TIAM1: variants seen among roughly 807,000 people sequenced by gnomAD.
The protein encoded by TIAM1 is TIAM Rac1 associated GEF 1, also known as rho guanine nucleotide exchange factor TIAM1.
In TIAM1, 65 loss-of-function variants were observed where a neutral mutation model predicts 163.5. The observed-to-expected ratio is 0.40, with a 90% CI of 0.33 to 0.49. The LOEUF is 0.49. Among genes scored for constraint, TIAM1 ranks in the 20% least tolerant of loss-of-function variants. The probability of loss-of-function intolerance (pLI) is 0.77; values close to 1 mark genes in which losing one functional copy is unlikely to be tolerated. For synonymous variants in TIAM1, 833 were observed against 810.1 expected (o/e 1.03, Z -0.48); for missense variants, 1,789 against 2,044.7 (o/e 0.87, Z 2.41).
rs755727372 is a variant in TIAM1 at position 31,187,003 on chromosome 21, T to G, written c.2660A>C (p.Lys887Thr). ...SVKETGLASKKGLKAGDEILE... is the reference protein window; with the variant it reads ...SVKETGLASKTGLKAGDEILE... ...CCAGCCCTCCTTCACTGACTTACCT[T>G]TCTTGGAAGCTAAACCGGTTTCCTT... Residue 887 changes from lysine to threonine, a missense_variant and splice_region_variant, in exon 14 of 28, where the codon AAA (lysine) becomes ACA (threonine). Lys to Thr is a moderately conservative substitution (Grantham distance 78, BLOSUM62 -1). Coordinates refer to ENST00000541036, the MANE Select transcript of TIAM1 (RefSeq NM_001353694.2). 6.2e-7 allele frequency: 1 copy of G among 1,614,014 alleles called. No homozygotes were observed. The highest frequency in any genetic ancestry group is 1.1e-5 in the South Asian group (1 of 91,080).
At chr21:31,450,285 A>G (rs1369815918) in intron 2 of TIAM1, among the ~76,000 whole-genome samples, 1 of 151,898 alleles carries the variant, frequency 6.6e-6, no homozygotes, top group African/African-American at 2.4e-5. Flanking sequence ...CCTCTCTCCT[A>G]CTCCAAGGAG....
At chr21:31,477,625 C>T (rs1187629602) in intron 1 of TIAM1, among the ~76,000 whole-genome samples, 1 of 152,034 alleles carries the variant, frequency 6.6e-6, no homozygotes, top group Admixed American at 6.6e-5. Context: ...TAGGTGCACG[C>T]CACCACGCCC....
At chr21:31,555,632 A>T (rs1460027794) in intron 1 of TIAM1, among the ~76,000 whole-genome samples, 1 of 152,086 alleles carries the variant, frequency 6.6e-6, no homozygotes, top group Non-Finnish European at 1.5e-5. Flanking sequence ...AAGCAGACAG[A>T]AGCCCCCTCT....
intron 3 of TIAM1, among the ~76,000 whole-genome samples, chr21:31,270,359 T>C (rs997065754): frequency 6.6e-6 from 1 of 152,082 alleles, no homozygotes; most frequent in East Asian, 1.9e-4. Context: ...ATGCAAAAAT[T>C]GGGATTGACA....
At chr21:31,409,769 AGGCCTCCCTCCCTGGT>A (rs1474387909) in intron 2 of TIAM1, among the ~76,000 whole-genome samples, 3 of 152,154 alleles carry the variant, frequency 2.0e-5, no homozygotes, top group African/African-American at 7.2e-5. Flanking sequence ...GCTCTCCCAA[AGGCCTCCCTCCCTGGT>A]GGGGGGCAGG....
intron 15 of TIAM1, among the ~76,000 whole-genome samples, chr21:31,172,977 T>C (rs577671609): frequency 6.6e-6 from 1 of 152,318 alleles, no homozygotes; most frequent in South Asian, 2.1e-4. Flanking sequence ...ATAATATTTT[T>C]GTGACTGCAA....
At chr21:31,201,389 A>G (rs1018304161) in intron 12 of TIAM1, among the ~76,000 whole-genome samples, 1 of 152,212 alleles carries the variant, frequency 6.6e-6, no homozygotes, top group African/African-American at 2.4e-5. Flanking sequence ...TATTTTGATA[A>G]TCTTCTATTG....
In TIAM1 at chr21:31,527,771, A is replaced by G. The variant is rs143744542; in HGVS notation, c.-422+31156T>C. ...CCACCAGTCCCAACCCAATGCTTAG[A>G]ATCTCCTCAGTGTGTCCCAGTCTCC... On this transcript the variant is annotated intron_variant, in intron 1 of 28. Transcript: ENST00000286827. 1.1e-3 allele frequency among the ~76,000 whole-genome samples: 175 copies of G among 152,212 alleles called. 2 individuals carry two copies. Among genetic ancestry groups the G allele is most frequent in the African/African-American group, 4.0e-3 (165 of 41,530 alleles).
At chr21:31,157,359 C>G (rs2083672593) in intron 16 of TIAM1, among the ~76,000 whole-genome samples, 1 of 152,200 alleles carries the variant, frequency 6.6e-6, no homozygotes, top group African/African-American at 2.4e-5. Flanking sequence ...CACCTCCTAC[C>G]ATCATGCAGT....
chr21:31,210,611 AAGG>A (rs2086710315), intron 10 of TIAM1, among the ~76,000 whole-genome samples: 1 of 73,338 alleles, frequency 1.4e-5, no homozygotes, highest in African/African-American at 5.2e-5. Context: ...AGAAGGAAGG[AAGG>A]GAGAAAGAAA....
At chr21:31,407,052 G>A (rs933083770) in intron 2 of TIAM1, among the ~76,000 whole-genome samples, 3 of 152,182 alleles carry the variant, frequency 2.0e-5, no homozygotes, top group African/African-American at 7.2e-5. Flanking sequence ...TCCCGGGAAA[G>A]TGACAGCTCT....
In TIAM1 at chr21:31,188,208, C is replaced by T. The variant is rs2085390229; in HGVS notation, c.2576-1121G>A. Among the ~76,000 whole-genome samples, 3 of 152,130 alleles carry T rather than the reference C, an allele frequency of 2.0e-5. No individual in the cohort carries two copies. The South Asian group carries it at 6.2e-4, about 32-fold the overall frequency. ...TCACATAGGCAAAAAGGCTAATTGC[C>T]ATCGCCCTCTCAAGTACCGTAACAC... On this transcript the variant is annotated intron_variant, in intron 13 of 27. Transcript: ENST00000541036.
intron 19 of TIAM1, among the ~76,000 whole-genome samples, chr21:31,149,922 A>T (rs760596228): frequency 3.3e-5 from 5 of 152,214 alleles, no homozygotes; most frequent in Admixed American, 6.5e-5. Context: ...GGTGAAAGAT[A>T]TATTATTGTG....
Position 31,245,575 on chromosome 21 carries a change from G to C in TIAM1, c.1497C>G (p.Asn499Lys), listed in dbSNP as rs2071456441. The change falls in exon 6 of 28, where the codon AAC (asparagine) becomes AAG (lysine). Residue 499 changes from asparagine (N) to lysine (K), a missense_variant. Coordinates refer to ENST00000541036, the MANE Select transcript of TIAM1 (RefSeq NM_001353694.2). ...GCTCAGGCACCGCCTGCACAATGCT[G>C]TTCTCCACCCAGACGGCGTGTTTGG... Reference protein sequence around the residue: ...SIPKHAVWVENSIVQAVPEHP... With the variant: ...SIPKHAVWVEKSIVQAVPEHP... 3.1e-6 allele frequency: 5 copies of C among 1,608,806 alleles called. No homozygotes were observed. The South Asian group carries it at 4.4e-5, about 14-fold the overall frequency.
chr21:31,131,953 G>A (rs1397583845), intron 23 of TIAM1, among the ~76,000 whole-genome samples: 3 of 152,180 alleles, frequency 2.0e-5, no homozygotes, highest in Non-Finnish European at 4.4e-5. Context: ...CCACAACTGT[G>A]AGAAATAAAT....
At chr21:31,140,072 A>G (rs962135596) in intron 22 of TIAM1, among the ~76,000 whole-genome samples, 7 of 152,224 alleles carry the variant, frequency 4.6e-5, no homozygotes, top group African/African-American at 1.7e-4. Flanking sequence ...TGAGTAAAAT[A>G]AATTATGAGA....
At chr21:31,283,668 C>A (rs180884600) in intron 2 of TIAM1, among the ~76,000 whole-genome samples, 220 of 152,212 alleles carry the variant, frequency 1.4e-3, no homozygotes, top group African/African-American at 4.8e-3. Context: ...CCTCAGCCTC[C>A]CAAGTAGTTG....
At position 31,395,443 on chromosome 21, in the gene TIAM1, C is replaced by T. The variant is rs2077049085; in HGVS notation, c.-368-56021G>A. 6.6e-6 allele frequency among the ~76,000 whole-genome samples: 1 copy of T among 152,132 alleles called. No individual in the cohort carries two copies. On this transcript the variant is annotated intron_variant, in intron 2 of 28. Coordinates refer to the TIAM1 transcript ENST00000286827. The surrounding 1 kb of genome is among the most constrained non-coding windows in gnomAD (Gnocchi z 7.5). The stretch of plus-strand genomic sequence containing the variant: ...AATAAGGATGGCTTTCACACCAGAG[C>T]AGCAGGGAAAATTGGACAAGAGGGG...
At chr21:31,473,632 A>G (rs984929512) in intron 1 of TIAM1, among the ~76,000 whole-genome samples, 2 of 151,986 alleles carry the variant, frequency 1.3e-5, no homozygotes, top group Non-Finnish European at 2.9e-5. Flanking sequence ...TGGAAAATAA[A>G]CCTTTAGCAG....
Sources: allele counts gnomAD v4.1 joint callset (sites outside exome capture counted in the v4.1 genomes callset), GRCh38; gene constraint gnomAD v4.1.1; non-coding constraint Gnocchi (gnomAD v3.1); transcripts MANE v1.5; gene names NCBI Gene and HGNC (gene_info 2026-07-23, HGNC 2026-07-21).